Variants in TSPAN11 observed in about 807,000 individuals in gnomAD.
TSPAN11 encodes tetraspanin 11.
A neutral mutation model predicts 32.9 loss-of-function variants in TSPAN11; 29 were observed. The observed-to-expected ratio is 0.88, with a 90% CI of 0.66 to 1.20. TSPAN11 has a LOEUF of 1.20. Ranked by LOEUF, TSPAN11 falls within the 50% of genes most tolerant of loss-of-function variation. TSPAN11 has a pLI of 0.00. For missense variants in TSPAN11, 283 were observed against 329.1 expected, an observed-to-expected ratio of 0.86 and a Z score of 1.08; for synonymous variants, 140 against 141.3, an observed-to-expected ratio of 0.99 and a Z score of 0.07.
the TSPAN11 span, chr12:31,015,501 A>C: frequency 6.6e-6 from 1 of 152,070 alleles, no homozygotes; most frequent in Non-Finnish European, 1.5e-5. This position sits in a 1 kb window ranked among gnomAD's most constrained non-coding sequence, Gnocchi z 4.9. Context: ...CATCTCCCCG[A>C]ACCAATAACA....
At chr12:31,007,854 C>T in the TSPAN11 span, among the ~76,000 whole-genome samples, 1 of 152,224 alleles carries the variant, frequency 6.6e-6, no homozygotes, top group African/African-American at 2.4e-5. Flanking sequence ...CTTTGACTTT[C>T]AGTGCCCCTT....
intron 2 of TSPAN11, among the ~76,000 whole-genome samples, chr12:30,959,971 G>A (rs570231744): frequency 4.6e-5 from 7 of 151,846 alleles, no homozygotes; most frequent in Admixed American, 3.9e-4. Context: ...GCCTGTGGGC[G>A]GAACAGGAGC....
the TSPAN11 span, among the ~76,000 whole-genome samples, chr12:31,014,923 C>T: frequency 6.6e-6 from 1 of 152,170 alleles, no homozygotes; most frequent in Non-Finnish European, 1.5e-5. Flanking sequence ...AGTGGAAAGA[C>T]AATAAATAGT....
chr12:30,997,836 C>T (rs1443356073), downstream of TSPAN11, among the ~76,000 whole-genome samples: 3 of 152,160 alleles, frequency 2.0e-5, no homozygotes, highest in Non-Finnish European at 4.4e-5. Context: ...CCAATAGGGC[C>T]CTGCCACTTG....
chr12:31,004,872 C>T, the TSPAN11 span, among the ~76,000 whole-genome samples: 2 of 152,228 alleles, frequency 1.3e-5, no homozygotes, highest in Non-Finnish European at 2.9e-5. Context: ...CCCAGGGGAC[C>T]CCCACTGCTC....
rs1358824021 is a variant in TSPAN11 at position 30,957,721 on chromosome 12, T to C, written c.84+3646T>C. Among the ~76,000 whole-genome samples the C allele has an allele frequency of 9.0e-4, 53 of 58,986 alleles. 2 individuals are homozygous for C. Among genetic ancestry groups the C allele is most frequent in the South Asian group, 4.2e-3 (4 of 954 alleles). 38.7% of individuals were successfully genotyped at this position (58,986 alleles called of 152,430 possible). A position where few individuals can be genotyped will look rare whatever the true frequency, so the allele number is the denominator to read the frequency against. On this transcript the variant is annotated intron_variant, in intron 2 of 7. Coordinates refer to ENST00000546076, the MANE Select transcript of TSPAN11 (RefSeq NM_001370302.1). ...CCTCCCTCCCTCCTTCCTTCCTTCC[T>C]TCCTTCCCTCCTTCCCTCCCTCCCT...
chr12:30,982,592 C>T lies in TSPAN11; in HGVS notation c.517C>T (p.Arg173Trp), dbSNP rs142835332. The T allele has an allele frequency of 7.4e-6, 12 of 1,612,876 alleles. No homozygotes were observed. The highest frequency in any genetic ancestry group is 5.3e-5 in the African/African-American group (4 of 74,932). The stretch of plus-strand genomic sequence containing the variant: ...GCAGCACAGCACGTACATCCTGTTG[C>T]GGGAGGCCGAGGGCCGCCAGGTGCC... Reference protein sequence around the residue: ...DWQHSTYILLREAEGRQVPDS... With the variant: ...DWQHSTYILLWEAEGRQVPDS... The change falls in exon 6 of 8, where the codon CGG (arginine) becomes TGG (tryptophan). Residue 173 changes from arginine (R) to tryptophan (W), a missense_variant. Arg to Trp is a moderately radical substitution (Grantham distance 101). Coordinates refer to ENST00000546076, the MANE Select transcript of TSPAN11 (RefSeq NM_001370302.1).
chr12:31,009,538 G>A, the TSPAN11 span, among the ~76,000 whole-genome samples: 1 of 152,166 alleles, frequency 6.6e-6, no homozygotes, highest in Non-Finnish European at 1.5e-5. Context: ...GAGCCATGAA[G>A]GAGGGAAGCA....
chr12:30,926,855 G>A (rs1285866543), intron 1 of TSPAN11, 59 bp downstream of exon 1: 10 of 1,078,076 alleles, frequency 9.3e-6, no homozygotes, highest in Middle Eastern at 3.8e-4. Flanking sequence ...TGGGGGTCCA[G>A]GAGAGGCGCC....
downstream of TSPAN11, among the ~76,000 whole-genome samples, chr12:30,997,753 G>A (rs1387445199): frequency 6.6e-6 from 1 of 152,188 alleles, no homozygotes; most frequent in Non-Finnish European, 1.5e-5. Context: ...CTGGGCTCAG[G>A]GGGATCCCCA....
intron 1 of TSPAN11, among the ~76,000 whole-genome samples, chr12:30,949,109 G>C (rs1313768885): frequency 6.6e-6 from 1 of 152,148 alleles, no homozygotes; most frequent in Non-Finnish European, 1.5e-5. Flanking sequence ...GACCACCTCA[G>C]CCTGGACCTT....
At position 30,992,311 on chromosome 12, in the gene TSPAN11, G is replaced by A. The variant is rs145020796; in HGVS notation, c.*396G>A. 1.6e-3 allele frequency: 411 copies of A among 262,338 alleles called. 6 individuals are homozygous for A. The highest frequency in any genetic ancestry group is 7.5e-3 in the African/African-American group (349 of 46,648). 16.3% of individuals were successfully genotyped at this position (262,338 alleles called of 1,614,324 possible). A position where few individuals can be genotyped will look rare whatever the true frequency, so the allele number is the denominator to read the frequency against. ...ACCCCGGCACTCCTGCATTCAGCAC[G>A]GGATTCCCCCACCCATGCCCAGAAG... On this transcript the variant is annotated 3_prime_UTR_variant, in exon 8 of 8. Transcript: ENST00000546076.
chr12:30,950,399 G>A (rs77323305), intron 1 of TSPAN11, among the ~76,000 whole-genome samples: 9 of 152,276 alleles, frequency 5.9e-5, no homozygotes, highest in Admixed American at 1.3e-4. Flanking sequence ...ACAATAGTAC[G>A]TGAATAATAT....
At chr12:30,984,551 G>GTTTTT (rs1939161653) in intron 7 of TSPAN11, among the ~76,000 whole-genome samples, 1 of 99,528 alleles carries the variant, frequency 1.0e-5, no homozygotes, top group African/African-American at 4.6e-5. Context: ...TTCGCTTTTT[G>GTTTTT]CTTTTTTTTT....
At chr12:30,947,407 T>G (rs1288989474) in intron 1 of TSPAN11, among the ~76,000 whole-genome samples, 1 of 152,158 alleles carries the variant, frequency 6.6e-6, no homozygotes, top group Non-Finnish European at 1.5e-5. Context: ...ACAAAAGTGC[T>G]TCTGTATTAG....
At chr12:30,938,159 A>G (rs570553905) in intron 1 of TSPAN11, among the ~76,000 whole-genome samples, 23 of 152,322 alleles carry the variant, frequency 1.5e-4, no homozygotes, top group African/African-American at 5.3e-4. Flanking sequence ...TTAGGAATCA[A>G]ACTGAAGGAA....
At chr12:30,973,826 T>C (rs929811609) in intron 3 of TSPAN11, among the ~76,000 whole-genome samples, 9 of 152,222 alleles carry the variant, frequency 5.9e-5, no homozygotes, top group Non-Finnish European at 2.9e-5. Context: ...AAAAGGTGTT[T>C]CCAGAACCTT....
chr12:31,013,323 G>C, the TSPAN11 span, among the ~76,000 whole-genome samples: 1 of 152,248 alleles, frequency 6.6e-6, no homozygotes, highest in South Asian at 2.1e-4. Flanking sequence ...GTAGGGAGCA[G>C]TGGCTCACAC....
intron 1 of TSPAN11, among the ~76,000 whole-genome samples, chr12:30,953,056 T>C (rs1431762709): frequency 2.0e-5 from 3 of 152,092 alleles, no homozygotes; most frequent in Non-Finnish European, 4.4e-5. Context: ...ATCACCACCA[T>C]TGATGTCATA....
Sources: allele counts gnomAD v4.1 joint callset (sites outside exome capture counted in the v4.1 genomes callset), GRCh38; gene constraint gnomAD v4.1.1; non-coding constraint Gnocchi (gnomAD v3.1); transcripts MANE v1.5; gene names NCBI Gene and HGNC (gene_info 2026-07-23, HGNC 2026-07-21).